Variants in MKRN1 observed in about 807,000 individuals in gnomAD.
MKRN1 encodes makorin ring finger protein 1.
MKRN1 carries 9 observed loss-of-function variants against 55.5 expected under a neutral mutation model. The observed-to-expected ratio is 0.16, with a 90% CI of 0.10 to 0.28. The LOEUF is 0.28. Among genes scored for constraint, MKRN1 ranks in the 10% least tolerant of loss-of-function variants. The pLI is 1.00. For missense variants in MKRN1, 488 were observed against 626.7 expected (o/e 0.78, Z 2.36); for synonymous variants, 253 against 235.9 (o/e 1.07, Z -0.66).
chr7:140,472,022 A>C lies in MKRN1; in HGVS notation c.186-11T>G. 6.2e-7 allele frequency: 1 copy of C among 1,613,832 alleles called. No individual in the cohort carries two copies. The highest frequency in any genetic ancestry group is 1.1e-5 in the South Asian group (1 of 91,014). ...CCATGCATAAAATACCTGTGAGACG[A>C]AAGACCACAAAACTGGATTAAAACC... On this transcript the variant is annotated splice_polypyrimidine_tract_variant and intron_variant, in intron 1 of 7. Coordinates refer to ENST00000255977, the MANE Select transcript of MKRN1 (RefSeq NM_013446.4).
At chr7:140,474,982 G>C (rs913132952) in intron 1 of MKRN1, among the ~76,000 whole-genome samples, 2 of 151,786 alleles carry the variant, frequency 1.3e-5, no homozygotes, top group Admixed American at 1.3e-4. Context: ...GCCTCCCAAA[G>C]TACTAGAATT....
chr7:140,455,629 A>G, intron 6 of MKRN1, 161 bp downstream of exon 6: 1 of 619,062 alleles, frequency 1.6e-6, no homozygotes, highest in Non-Finnish European at 2.8e-6. Context: ...TGTTATAGCA[A>G]GATATATACT....
At chr7:140,461,933 A>C (rs766417548) in intron 2 of MKRN1, among the ~76,000 whole-genome samples, 8 of 152,208 alleles carry the variant, frequency 5.3e-5, no homozygotes, top group Non-Finnish European at 2.9e-5. Flanking sequence ...CAGTGAGCCT[A>C]GATGGTGCCA....
chr7:140,472,290 C>T (rs928969390), intron 1 of MKRN1: 2 of 360,272 alleles, frequency 5.6e-6, no homozygotes, highest in Non-Finnish European at 1.1e-5. Context: ...CAAAAATTGG[C>T]TGGTGTGGTG....
chr7:140,476,730 G>A (rs894224178), intron 1 of MKRN1, among the ~76,000 whole-genome samples: 6 of 151,268 alleles, frequency 4.0e-5, no homozygotes, highest in Non-Finnish European at 8.8e-5. Context: ...ACTGAGGAAA[G>A]AAAGCCCTGC....
chr7:140,472,716 T>C (rs1794969828), intron 1 of MKRN1, among the ~76,000 whole-genome samples: 1 of 151,366 alleles, frequency 6.6e-6, no homozygotes, highest in East Asian at 2.0e-4. Context: ...CAACGAACTA[T>C]TTTGACATTC....
intron 2 of MKRN1, among the ~76,000 whole-genome samples, chr7:140,466,733 A>G (rs1484029366): frequency 6.7e-6 from 1 of 149,134 alleles, no homozygotes; most frequent in Admixed American, 6.8e-5. Context: ...GAACGTGGGA[A>G]GCGGAGCTTG....
At chr7:140,462,040 G>C (rs542525566) in intron 2 of MKRN1, among the ~76,000 whole-genome samples, 2 of 152,242 alleles carry the variant, frequency 1.3e-5, no homozygotes, top group East Asian at 3.9e-4. Context: ...CTAAGAAATT[G>C]ACTGATTTTC....
chr7:140,454,971 TTAATACTC>T, intron 7 of MKRN1, 116 bp downstream of exon 7: 1 of 1,373,228 alleles, frequency 7.3e-7, no homozygotes. Context: ...GTTTCCTCCT[TTAATACTC>T]TACACTTTCG....
chr7:140,479,047 C>T lies in MKRN1; in HGVS notation c.185+113G>A, dbSNP rs887143187. On this transcript the variant is annotated intron_variant, in intron 1 of 7. Transcript: ENST00000255977. ...CTGCAGAGATCGAGACAACGCCGGT[C>T]CCCGCCCTCCCGCGCCTCTAGCCGC... 4.2e-6 allele frequency: 5 copies of T among 1,195,134 alleles called. No individual in the cohort carries two copies. In the African/African-American group the frequency reaches 6.4e-5, roughly 15 times the overall value. The allele number at this position is 1,195,134 out of a possible 1,614,324, so 74.0% of individuals were successfully genotyped here.
chr7:140,471,463 G>GA (rs796181302), intron 2 of MKRN1, among the ~76,000 whole-genome samples: 8 of 152,194 alleles, frequency 5.3e-5, no homozygotes, highest in African/African-American at 1.9e-4. Context: ...TAGGAGGATA[G>GA]AAAAGCCCTA....
intron 1 of MKRN1, among the ~76,000 whole-genome samples, chr7:140,476,958 C>T (rs964347956): frequency 3.3e-5 from 5 of 151,922 alleles, no homozygotes; most frequent in Admixed American, 6.6e-5. Context: ...TGGTGCACGC[C>T]TGTAATCCCA....
chr7:140,472,545 C>G (rs929791848), intron 1 of MKRN1: 1 of 152,196 alleles, frequency 6.6e-6, no homozygotes, highest in African/African-American at 2.4e-5. Flanking sequence ...GCCGCCACCA[C>G]GCCCGGCTAA....
chr7:140,462,579 C>A (rs1186541402), intron 2 of MKRN1, among the ~76,000 whole-genome samples: 1 of 152,168 alleles, frequency 6.6e-6, no homozygotes, highest in Non-Finnish European at 1.5e-5. Flanking sequence ...CATATTCTAG[C>A]ACTCTGGGAG....
At chr7:140,464,820 C>T (rs1431345645) in intron 2 of MKRN1, among the ~76,000 whole-genome samples, 1 of 152,102 alleles carries the variant, frequency 6.6e-6, no homozygotes, top group Non-Finnish European at 1.5e-5. Context: ...GACAGGGTCT[C>T]ACTCTGTCTC....
At chr7:140,471,099 T>C (rs575933685) in intron 2 of MKRN1, among the ~76,000 whole-genome samples, 1 of 152,262 alleles carries the variant, frequency 6.6e-6, no homozygotes, top group South Asian at 2.1e-4. Flanking sequence ...AATTTGGGGA[T>C]GGGCCAGTTT....
chr7:140,460,035 G>C, intron 2 of MKRN1, 99 bp from the exon 3 acceptor site: 2 of 1,066,046 alleles, frequency 1.9e-6, no homozygotes, highest in Non-Finnish European at 2.8e-6. Flanking sequence ...TCACCAGAGA[G>C]GTTGGGAGTT....
chr7:140,456,458 T>A, intron 5 of MKRN1, 194 bp downstream of exon 5: 1 of 1,415,716 alleles, frequency 7.1e-7, no homozygotes, highest in Non-Finnish European at 9.2e-7. Context: ...GGTTTCCTCA[T>A]TCAAATAAAA....
At chr7:140,460,330 G>C (rs1794586156) in intron 2 of MKRN1, 1 of 129,130 alleles carries the variant, frequency 7.7e-6, no homozygotes, top group East Asian at 2.3e-4. Flanking sequence ...TTTTTTTTGA[G>C]ATGGAGTCTT....
Sources: allele counts gnomAD v4.1 joint callset (sites outside exome capture counted in the v4.1 genomes callset), GRCh38; gene constraint gnomAD v4.1.1; transcripts MANE v1.5; gene names NCBI Gene and HGNC (gene_info 2026-07-23, HGNC 2026-07-21).